The following BLTP1 variants were observed in gnomAD, a reference collection of about 807,000 sequenced individuals.
BLTP1 encodes the protein bridge-like lipid transfer protein family member 1.
chr4:122,154,052 G>T, the BLTP1 span: 1 of 984,406 alleles, frequency 1.0e-6, no homozygotes, highest in Non-Finnish European at 1.2e-6. Context: ...ACTGCAGAAA[G>T]GCTATCTGAA....
At chr4:122,211,193 A>G in the BLTP1 span, 1 of 1,091,936 alleles carries the variant, frequency 9.2e-7, no homozygotes, top group African/African-American at 1.6e-5. Context: ...CAGTTGGATT[A>G]TTTAAAGTGT....
the BLTP1 span, chr4:122,222,971 T>A: frequency 1.0e-6 from 1 of 956,890 alleles, no homozygotes; most frequent in Non-Finnish European, 1.2e-6. Context: ...ACATGTAATT[T>A]TGAGATTAAA....
chr4:122,199,996 G>A, the BLTP1 span: 5 of 975,690 alleles, frequency 5.1e-6, no homozygotes, highest in African/African-American at 8.8e-5. Context: ...TTACTATCAG[G>A]GACAACAACA....
chr4:122,286,902 T>G, the BLTP1 span: 11 of 881,444 alleles, frequency 1.2e-5, no homozygotes, highest in Non-Finnish European at 1.7e-5. Flanking sequence ...TAATTTGTTT[T>G]CACAGAAGAA....
chr4:122,269,337 A>G, the BLTP1 span: 3 of 865,240 alleles, frequency 3.5e-6, no homozygotes, highest in African/African-American at 1.8e-5. Flanking sequence ...AAACCATATA[A>G]TACTACAACA....
the BLTP1 span, chr4:122,247,869 C>A: frequency 0.079 from 77,272 of 977,134 alleles, 3,279 homozygotes; most frequent in Middle Eastern, 0.092. Context: ...ATTTTTGATT[C>A]TTATTTAGCA....
the BLTP1 span, chr4:122,272,297 A>G: frequency 6.2e-7 from 1 of 1,613,334 alleles, no homozygotes; most frequent in Non-Finnish European, 8.5e-7. Flanking sequence ...AGTGTTTGGG[A>G]TTGGCATGGT....
At chr4:122,196,910 G>A in the BLTP1 span, 1 of 531,518 alleles carries the variant, frequency 1.9e-6, no homozygotes. Context: ...GTTTTCCCTT[G>A]AAATAATTTT....
At chr4:122,359,178 G>A in the BLTP1 span, 4 of 224,774 alleles carry the variant, frequency 1.8e-5, no homozygotes, top group African/African-American at 7.0e-5. Context: ...CATGGCACAT[G>A]TATACATATG....
the BLTP1 span, chr4:122,262,728 T>A: frequency 6.6e-7 from 1 of 1,525,614 alleles, no homozygotes; most frequent in Non-Finnish European, 8.8e-7. Flanking sequence ...CATTTTTATA[T>A]ACATAAGAAA....
At chr4:122,251,448 C>A in the BLTP1 span, 81 of 917,866 alleles carry the variant, frequency 8.8e-5, no homozygotes, top group Non-Finnish European at 9.1e-5. Context: ...ATTTTTAAAA[C>A]ATTTGTTTTT....
the BLTP1 span, chr4:122,318,089 A>T: frequency 1.3e-6 from 2 of 1,533,102 alleles, no homozygotes; most frequent in Middle Eastern, 1.7e-4. Context: ...AGCAAGTAAA[A>T]AATCAGTCTT....
chr4:122,308,014 C>T, the BLTP1 span: 1 of 1,613,446 alleles, frequency 6.2e-7, no homozygotes, highest in Non-Finnish European at 8.5e-7. Context: ...AATGGCTTTA[C>T]ATAAGGATAT....
the BLTP1 span, chr4:122,362,735 G>A: frequency 6.5e-6 from 1 of 153,370 alleles, no homozygotes; most frequent in Non-Finnish European, 1.5e-5. Context: ...TTATAATAAA[G>A]TCACAGTAAT....
At chr4:122,202,210 T>C in the BLTP1 span, among the ~76,000 whole-genome samples, 1 of 152,062 alleles carries the variant, frequency 6.6e-6, no homozygotes, top group Non-Finnish European at 1.5e-5. Flanking sequence ...AATGTCCCAG[T>C]AGTAGAAATT....
chr4:122,226,698 T>G, the BLTP1 span: 2 of 1,613,204 alleles, frequency 1.2e-6, no homozygotes, highest in Non-Finnish European at 1.7e-6. Flanking sequence ...TGTCACTGAT[T>G]ATCTGTAGCT....
At chr4:122,193,479 G>A in the BLTP1 span, 1 of 202,776 alleles carries the variant, frequency 4.9e-6, no homozygotes, top group Admixed American at 6.5e-5. Flanking sequence ...AGTCTATAGT[G>A]GTTAAGAGGT....
At chr4:122,299,792 A>C in the BLTP1 span, 9 of 984,482 alleles carry the variant, frequency 9.1e-6, no homozygotes, top group Non-Finnish European at 1.1e-5. Context: ...ATCAATGATG[A>C]GGCTTAGGTA....
the BLTP1 span, chr4:122,152,336 G>C: frequency 5.7e-5 from 56 of 985,490 alleles, no homozygotes; most frequent in Non-Finnish European, 6.4e-5. Flanking sequence ...CAGGCGCAGT[G>C]CCGCCCGGCC....
Sources: gnomAD v4.1 joint callset for allele counts (sites outside exome capture counted in the v4.1 genomes callset) on GRCh38, gnomAD v4.1.1 for gene constraint, MANE v1.5 for transcripts, NCBI Gene and HGNC (gene_info 2026-07-23, HGNC 2026-07-21) for gene names.